The following TMEM182 variants were observed in gnomAD, a reference collection of about 807,000 sequenced individuals.
The protein encoded by TMEM182 is transmembrane protein 182.
In TMEM182, 20 loss-of-function variants were observed where a neutral mutation model predicts 26.8. The ratio of observed to expected loss-of-function variants is 0.75; its 90% confidence interval spans 0.53 to 1.09. The LOEUF (loss-of-function observed/expected upper bound fraction) is 1.09. Ranked by LOEUF, TMEM182 falls within the 50% of genes least tolerant of loss-of-function variation. The pLI is 0.00. For synonymous variants in TMEM182, 109 were observed against 102.2 expected, an observed-to-expected ratio of 1.07 and a Z score of -0.40; for missense variants, 277 against 275.5, an observed-to-expected ratio of 1.01 and a Z score of -0.04.
intron 4 of TMEM182, among the ~76,000 whole-genome samples, chr2:102,812,892 A>T (rs1050815962): frequency 6.6e-6 from 1 of 152,224 alleles, no homozygotes; most frequent in African/African-American, 2.4e-5. Flanking sequence ...CACTGTCTAT[A>T]TATTTGCTGG....
chr2:102,773,661 A>G (rs144396683), intron 3 of TMEM182, among the ~76,000 whole-genome samples: 329 of 152,188 alleles, frequency 2.2e-3, no homozygotes, highest in African/African-American at 7.6e-3. Context: ...GAGAGGGGGA[A>G]CTAATGAATG....
chr2:102,806,552 C>A (rs1460011264), intron 4 of TMEM182, among the ~76,000 whole-genome samples: 1 of 152,136 alleles, frequency 6.6e-6, no homozygotes, highest in East Asian at 1.9e-4. Context: ...TATTCTTTTG[C>A]CTCTTGGCCT....
intron 3 of TMEM182, among the ~76,000 whole-genome samples, chr2:102,840,984 G>A (rs1683338336): frequency 6.6e-6 from 1 of 152,122 alleles, no homozygotes; most frequent in Non-Finnish European, 1.5e-5. Context: ...TGCGGAAGTC[G>A]TCTTCTTCTC....
At chr2:102,743,263 CA>C (rs1347093531) in intron 1 of TMEM182, among the ~76,000 whole-genome samples, 3 of 151,950 alleles carry the variant, frequency 2.0e-5, no homozygotes, top group African/African-American at 7.3e-5. Context: ...AGGGCAACCA[CA>C]AAATGTTTTG....
chr2:102,785,463 A>C (rs1302916047), intron 3 of TMEM182, among the ~76,000 whole-genome samples: 2 of 152,178 alleles, frequency 1.3e-5, no homozygotes, highest in African/African-American at 4.8e-5. Context: ...GCTTGGTGGC[A>C]CATATTGTAC....
At chr2:102,799,268 G>A (rs1682011265) in intron 4 of TMEM182, among the ~76,000 whole-genome samples, 1 of 152,180 alleles carries the variant, frequency 6.6e-6, no homozygotes, top group African/African-American at 2.4e-5. Context: ...GATGGCTTGT[G>A]ATGCTGCCCA....
At chr2:102,751,322 C>T (rs1270686203) in intron 1 of TMEM182, among the ~76,000 whole-genome samples, 5 of 152,056 alleles carry the variant, frequency 3.3e-5, no homozygotes, top group Admixed American at 3.3e-4. Flanking sequence ...ACATAGTGCA[C>T]GGGGAAGCTG....
chr2:102,776,695 C>T (rs749209066), intron 3 of TMEM182, among the ~76,000 whole-genome samples: 1 of 152,104 alleles, frequency 6.6e-6, no homozygotes, highest in East Asian at 1.9e-4. Flanking sequence ...ATTTCTGGAT[C>T]GTATGGTGAG....
At chr2:102,780,104 A>G (rs1178211097) in intron 3 of TMEM182, among the ~76,000 whole-genome samples, 1 of 149,382 alleles carries the variant, frequency 6.7e-6, no homozygotes, top group Non-Finnish European at 1.5e-5. Context: ...AGATAATTTC[A>G]TCATCTCTGA....
chr2:102,802,738 G>A (rs957092131), intron 4 of TMEM182, among the ~76,000 whole-genome samples: 3 of 152,200 alleles, frequency 2.0e-5, no homozygotes, highest in Admixed American at 1.3e-4. Context: ...CATCAACACA[G>A]CAATTTCTGT....
At chr2:102,801,243 G>T (rs1310758679) in intron 4 of TMEM182, among the ~76,000 whole-genome samples, 3 of 152,068 alleles carry the variant, frequency 2.0e-5, no homozygotes, top group Non-Finnish European at 2.9e-5. Flanking sequence ...TGGCACTGTT[G>T]CAGGAATCAG....
intron 3 of TMEM182, among the ~76,000 whole-genome samples, chr2:102,830,584 T>C (rs1356533788): frequency 6.6e-6 from 1 of 152,180 alleles, no homozygotes; most frequent in African/African-American, 2.4e-5. Context: ...TAGGTATATA[T>C]ATTTATGGGG....
rs191089713 is a variant in TMEM182 at position 102,766,233 on chromosome 2, A to G, written c.331+1806A>G. On this transcript the variant is annotated intron_variant, in intron 3 of 4. Transcript: ENST00000412401. ...TGGAGAACTTGAAAAACAAAGTAAC[A>G]TAATCTGTGCATGATAATTATGATG... Among the ~76,000 whole-genome samples, 6 of 152,322 alleles carry G rather than the reference A, an allele frequency of 3.9e-5. No individual in the cohort carries two copies. In the East Asian group the frequency reaches 1.2e-3, roughly 29 times the overall value.
chr2:102,838,938 C>T (rs577823244), intron 3 of TMEM182, among the ~76,000 whole-genome samples: 22 of 152,292 alleles, frequency 1.4e-4, no homozygotes, highest in African/African-American at 4.8e-4. Flanking sequence ...CTGCCATCTT[C>T]GCCAAGGTTG....
rs779969008 is a variant in TMEM182, at chr2:102,764,479, AG to A, written c.331+54del. ...TTCTAAAAGGGTCTTATCTTTCTGA[AG>A]GATGCCCAGATCAAAATTGTTGTGA... On this transcript the variant is annotated intron_variant, in intron 3 of 4. Coordinates refer to ENST00000412401, the MANE Select transcript of TMEM182 (RefSeq NM_144632.5). 9 of 1,483,908 alleles carry A rather than the reference AG, an allele frequency of 6.1e-6. No homozygotes were observed. In the South Asian group the frequency reaches 7.1e-5, roughly 12 times the overall value. The allele number at this position is 1,483,908 out of a possible 1,614,324, so 91.9% of individuals were successfully genotyped here. A position where few individuals can be genotyped will look rare whatever the true frequency, so the allele number is the denominator to read the frequency against.
At chr2:102,796,411 C>A (rs1360893465) in intron 3 of TMEM182, among the ~76,000 whole-genome samples, 2 of 152,136 alleles carry the variant, frequency 1.3e-5, no homozygotes, top group East Asian at 1.9e-4. Context: ...AATGATTATA[C>A]CCCTAGCACT....
intron 4 of TMEM182, among the ~76,000 whole-genome samples, chr2:102,806,721 G>T (rs1197246035): frequency 6.6e-6 from 1 of 152,124 alleles, no homozygotes; most frequent in African/African-American, 2.4e-5. Context: ...TCATGTTCCA[G>T]GCACTGTTTT....
chr2:102,756,995 A>G lies in TMEM182; in HGVS notation c.-82-1394A>G, dbSNP rs375885800. Among the ~76,000 whole-genome samples, 8 of 152,186 alleles carry G rather than the reference A, an allele frequency of 5.3e-5. No individual in the cohort carries two copies. The South Asian group carries it at 8.3e-4, about 16-fold the overall frequency. On this transcript the variant is annotated intron_variant, in intron 1 of 5. Transcript: ENST00000409173. The stretch of plus-strand genomic sequence containing the variant: ...GCCTGCTAATTTTTGTATTTTTAGT[A>G]GAGACTGAGTTTCACCATCTTGGCC...
At chr2:102,789,760 C>A (rs922042314) in intron 3 of TMEM182, among the ~76,000 whole-genome samples, 1 of 152,278 alleles carries the variant, frequency 6.6e-6, no homozygotes, top group East Asian at 1.9e-4. Flanking sequence ...CCCCTGACAC[C>A]CATGTGATAG....
Sources: allele counts gnomAD v4.1 joint callset (sites outside exome capture counted in the v4.1 genomes callset), GRCh38; gene constraint gnomAD v4.1.1; transcripts MANE v1.5; gene names NCBI Gene and HGNC (gene_info 2026-07-23, HGNC 2026-07-21).